The following CCDC148 variants were observed in gnomAD, a reference collection of about 807,000 sequenced individuals.
CCDC148 encodes the protein coiled-coil domain containing 148, also known as coiled-coil domain-containing protein 148.
A neutral mutation model predicts 85.7 loss-of-function variants in CCDC148; 89 were observed. That is an observed-to-expected ratio of 1.04 (90% CI 0.87 to 1.24). CCDC148 has a LOEUF of 1.24. CCDC148 is among the 50% of genes most tolerant of loss of function. The pLI is 0.00. For missense variants in CCDC148, 692 were observed against 671.7 expected (o/e 1.03, Z -0.33); for synonymous variants, 230 against 213.9 (o/e 1.08, Z -0.66).
At chr2:158,289,925 C>A (rs945546975) in intron 9 of CCDC148, among the ~76,000 whole-genome samples, 1 of 152,146 alleles carries the variant, frequency 6.6e-6, no homozygotes, top group African/African-American at 2.4e-5. Context: ...TGATTCTATT[C>A]ACAGGAGTTC....
At chr2:158,309,720 A>C in intron 8 of CCDC148, 81 bp from the exon 9 acceptor site, 1 of 988,598 alleles carries the variant, frequency 1.0e-6, no homozygotes, top group Non-Finnish European at 1.5e-6. Context: ...AAATGAAAAG[A>C]AAATGAATTA....
At chr2:158,424,353 G>C (rs1014412822) in intron 1 of CCDC148, among the ~76,000 whole-genome samples, 1 of 152,168 alleles carries the variant, frequency 6.6e-6, no homozygotes, top group East Asian at 1.9e-4. Context: ...TTAAGAAAAT[G>C]TGGCACATAT....
intron 11 of CCDC148, among the ~76,000 whole-genome samples, chr2:158,216,244 T>G (rs1180264271): frequency 6.6e-6 from 1 of 152,150 alleles, no homozygotes; most frequent in Non-Finnish European, 1.5e-5. Context: ...TTAAGGGCAC[T>G]TTTGCTTTAA....
intron 11 of CCDC148, among the ~76,000 whole-genome samples, chr2:158,216,450 G>T (rs1686866411): frequency 7.9e-6 from 1 of 126,284 alleles, no homozygotes; most frequent in Non-Finnish European, 1.6e-5. Flanking sequence ...AGGCTGCAGT[G>T]CAGTGGCATG....
chr2:158,268,242 G>C (rs1002687692), intron 9 of CCDC148, among the ~76,000 whole-genome samples: 1 of 152,146 alleles, frequency 6.6e-6, no homozygotes, highest in Non-Finnish European at 1.5e-5. Flanking sequence ...TCACTAGCAC[G>C]TGATATTGTC....
chr2:158,356,697 G>C lies in CCDC148; in HGVS notation c.147+1752C>G, dbSNP rs1340120337. 2.7e-3 allele frequency among the ~76,000 whole-genome samples: 389 copies of C among 146,340 alleles called. 1 individual carries two copies. The highest frequency in any genetic ancestry group is 9.2e-3 in the African/African-American group (362 of 39,180). ...GCGATTCCTCAGGGATCTAGAACTG[G>C]AAATACCATTTGACCCAGCAATCCC... On this transcript the variant is annotated intron_variant, in intron 2 of 13. Coordinates refer to ENST00000283233, the MANE Select transcript of CCDC148 (RefSeq NM_138803.4).
chr2:158,194,642 C>G (rs1231705185), intron 11 of CCDC148, among the ~76,000 whole-genome samples: 1 of 152,096 alleles, frequency 6.6e-6, no homozygotes, highest in African/African-American at 2.4e-5. Context: ...AGTTTGGAAA[C>G]CACTACCTTC....
chr2:158,335,060 A>G (rs1399823737), intron 7 of CCDC148, among the ~76,000 whole-genome samples: 1 of 152,248 alleles, frequency 6.6e-6, no homozygotes, highest in East Asian at 1.9e-4. Flanking sequence ...AATTGGACCA[A>G]TGGCCCTTAA....
intron 7 of CCDC148, among the ~76,000 whole-genome samples, chr2:158,338,115 G>A (rs567186140): frequency 6.6e-6 from 1 of 152,180 alleles, no homozygotes; most frequent in Admixed American, 6.6e-5. Context: ...TCAGAGTGGT[G>A]TATCCGGATT....
chr2:158,383,419 A>C (rs1684959403), intron 1 of CCDC148, among the ~76,000 whole-genome samples: 1 of 152,108 alleles, frequency 6.6e-6, no homozygotes, highest in African/African-American at 2.4e-5. Context: ...ATTTTATTTT[A>C]AAAGTGTATA....
chr2:158,406,630 T>TTTTTC lies in CCDC148; in HGVS notation c.26-48061_26-48060insGAAAA, dbSNP rs762309610. Among the ~76,000 whole-genome samples, 145 of 136,778 alleles carry TTTTTC rather than the reference T, an allele frequency of 1.1e-3. 3 individuals are homozygous for TTTTTC. Among genetic ancestry groups the TTTTTC allele is most frequent in the African/African-American group, 3.4e-3 (126 of 37,402 alleles). The allele number at this position is 136,778 out of a possible 152,430, so 89.7% of individuals were successfully genotyped here. On this transcript the variant is annotated intron_variant, in intron 1 of 13. Transcript: ENST00000283233. Reference sequence around the variant, plus strand: ...TTAAATTTCTTTTTTTTTTTTTTTTTTTTTTTTTTTGAGACAGTGTCTCCC... The same window carrying TTTTTC: ...TTAAATTTCTTTTTTTTTTTTTTTTTTTTTCTTTTTTTTTTGAGACAGTGTCTCCC...
rs542098921 is a variant in CCDC148 at position 158,269,062 on chromosome 2, TC to T, written c.1111-18151del. On this transcript the variant is annotated intron_variant, in intron 9 of 13. Transcript: ENST00000283233. ...TCTTTGATTGGTGATAATTTCATTT[TC>T]TTTGGGTATATATTCAGAAGATGAA... 4.6e-5 allele frequency among the ~76,000 whole-genome samples: 7 copies of T among 152,312 alleles called. No homozygotes were observed. The East Asian group carries it at 1.3e-3, about 29-fold the overall frequency.
chr2:158,338,703 A>G lies in CCDC148; in HGVS notation c.764+23T>C, dbSNP rs753191402. ...AAAAGTTAGTGTCAAAAGTCTACAC[A>G]GGACTCAGTTTTATCTTATCACCTG... On this transcript the variant is annotated intron_variant, in intron 7 of 13. Coordinates refer to ENST00000283233, the MANE Select transcript of CCDC148 (RefSeq NM_138803.4). 24 of 1,560,696 alleles carry G rather than the reference A, an allele frequency of 1.5e-5. No homozygotes were observed. In the East Asian group the frequency reaches 4.3e-4, roughly 28 times the overall value.
chr2:158,397,659 C>A (rs1162919963), intron 1 of CCDC148, among the ~76,000 whole-genome samples: 1 of 152,112 alleles, frequency 6.6e-6, no homozygotes, highest in African/African-American at 2.4e-5. Context: ...CAACCGGTAC[C>A]AGCCACTGCA....
At chr2:158,255,986 A>G (rs550763837) in intron 9 of CCDC148, among the ~76,000 whole-genome samples, 1 of 151,940 alleles carries the variant, frequency 6.6e-6, no homozygotes, top group African/African-American at 2.4e-5. Flanking sequence ...GAAAATGGTT[A>G]GTAGCATTAC....
At chr2:158,241,719 T>G (rs1044021547) in intron 10 of CCDC148, among the ~76,000 whole-genome samples, 5 of 152,110 alleles carry the variant, frequency 3.3e-5, no homozygotes, top group African/African-American at 1.2e-4. Context: ...GGGAGGCTAT[T>G]GGAAAGGAGG....
chr2:158,245,361 C>T (rs1688527529), intron 10 of CCDC148, among the ~76,000 whole-genome samples: 1 of 152,158 alleles, frequency 6.6e-6, no homozygotes, highest in South Asian at 2.1e-4. Flanking sequence ...TAAGAATTCA[C>T]AAAGTGGCAG....
chr2:158,173,435 T>C (rs1010415891), intron 13 of CCDC148, among the ~76,000 whole-genome samples: 2 of 152,012 alleles, frequency 1.3e-5, no homozygotes, highest in Non-Finnish European at 2.9e-5. Flanking sequence ...AATATAATCA[T>C]TGTAGTTGCA....
intron 10 of CCDC148, among the ~76,000 whole-genome samples, 168 bp downstream of exon 10, chr2:158,250,604 A>T (rs1432107576): frequency 6.6e-6 from 1 of 151,344 alleles, no homozygotes; most frequent in Non-Finnish European, 1.5e-5. Flanking sequence ...ATGTCAACAA[A>T]TCTTTGAAGC....
Sources: allele counts gnomAD v4.1 joint callset (sites outside exome capture counted in the v4.1 genomes callset), GRCh38; gene constraint gnomAD v4.1.1; transcripts MANE v1.5; gene names NCBI Gene and HGNC (gene_info 2026-07-23, HGNC 2026-07-21).